Variants in TMEM247 observed in about 807,000 individuals in gnomAD.
TMEM247 encodes the protein transmembrane protein ENSP00000343375.
TMEM247 carries 23 observed loss-of-function variants against 20.7 expected under a neutral mutation model. The ratio of observed to expected loss-of-function variants is 1.11; its 90% CI spans 0.80 to 1.57. TMEM247 has a LOEUF of 1.57. Among genes scored for constraint, TMEM247 ranks in the 40% most tolerant of loss-of-function variants. TMEM247 has a pLI of 0.00. For missense variants in TMEM247, 354 were observed against 283.8 expected, an observed-to-expected ratio of 1.25 and a Z score of -1.78; for synonymous variants, 106 against 111.9, an observed-to-expected ratio of 0.95 and a Z score of 0.33.
rs1686949087 is a variant in TMEM247, at chr2:46,484,377, T to TC, written c.612dup (p.Cys205LeufsTer11). On this transcript the variant is annotated frameshift_variant, in exon 3 of 3. Coordinates refer to ENST00000434431, the Ensembl canonical transcript of TMEM247. LOFTEE classifies it high-confidence loss of function. Reference sequence around the variant, plus strand: ...TTTCTCTTCGCCAAGCACTACCTATTCTGCATTGCAGCCATTTTGCTCTGT... The same window carrying TC: ...TTTCTCTTCGCCAAGCACTACCTATTCCTGCATTGCAGCCATTTTGCTCTGT... The TC allele has an allele frequency of 3.9e-6, 6 of 1,552,346 alleles. No homozygotes were observed. The highest frequency in any genetic ancestry group is 5.2e-6 in the Non-Finnish European group (6 of 1,147,120).
chr2:46,480,680 C>G, exon 2 of TMEM247: 2 of 1,550,524 alleles, frequency 1.3e-6, no homozygotes, highest in Non-Finnish European at 1.7e-6. Flanking sequence ...AGCGGCAGCA[C>G]GAGGTGGTGA....
chr2:46,482,244 G>A lies in TMEM247; in HGVS notation c.477+1480G>A, dbSNP rs978328436. 3.3e-5 allele frequency among the ~76,000 whole-genome samples: 5 copies of A among 152,174 alleles called. No individual in the cohort carries two copies. In the East Asian group the frequency reaches 9.6e-4, roughly 29 times the overall value. On this transcript the variant is annotated intron_variant, in intron 2 of 2. Coordinates refer to ENST00000434431, the Ensembl canonical transcript of TMEM247. ...ACTTGGATTTCCAGAATCTTCCCCT[G>A]CCCCCACACCCTTTTTGAAAAGTCT...
At chr2:46,484,011 A>C (rs1430282337) in intron 2 of TMEM247, among the ~76,000 whole-genome samples, 1 of 152,082 alleles carries the variant, frequency 6.6e-6, no homozygotes, top group Non-Finnish European at 1.5e-5. Flanking sequence ...GGCTGGTCTC[A>C]AACTCCTGGC....
exon 2 of TMEM247, chr2:46,480,654 G>C: frequency 6.4e-7 from 1 of 1,551,796 alleles, no homozygotes; most frequent in South Asian, 1.2e-5. Context: ...GTACCTGCAT[G>C]AGAAGAACCA....
At chr2:46,481,561 C>T (rs1380189608) in intron 2 of TMEM247, among the ~76,000 whole-genome samples, 1 of 152,224 alleles carries the variant, frequency 6.6e-6, no homozygotes, top group Admixed American at 6.5e-5. Context: ...CTTTGGCTTG[C>T]TCATCCATGA....
rs750901510 is a variant in TMEM247 at position 46,480,749 on chromosome 2, G to GGTGGTGATGGAGCAGCTGCAGCGGGA, written c.463_464insTGGTGATGGAGCAGCTGCAGCGGGAG (p.Ala155ValfsTer68). 4 of 1,533,746 alleles carry GGTGGTGATGGAGCAGCTGCAGCGGGA rather than the reference G, an allele frequency of 2.6e-6. No individual in the cohort carries two copies. The highest frequency in any genetic ancestry group is 1.4e-5 in the African/African-American group (1 of 72,814). The stretch of plus-strand genomic sequence containing the variant: ...TGGTGATGGAGCAGCTGCAGCAAGA[G>GGTGGTGATGGAGCAGCTGCAGCGGGA]GCGGCGCCCCGCCTGGTGGGTGACA... On this transcript the variant is annotated frameshift_variant, in exon 2 of 3. Transcript: ENST00000434431. LOFTEE classifies it high-confidence loss of function.
intron 2 of TMEM247, among the ~76,000 whole-genome samples, chr2:46,483,970 T>A (rs1231208080): frequency 1.3e-5 from 2 of 152,118 alleles, no homozygotes; most frequent in African/African-American, 2.4e-5. Flanking sequence ...AATTTTTTTT[T>A]ATAGAGATAG....
chr2:46,481,828 C>T (rs1170869856), intron 2 of TMEM247, among the ~76,000 whole-genome samples: 1 of 152,180 alleles, frequency 6.6e-6, no homozygotes, highest in Non-Finnish European at 1.5e-5. Flanking sequence ...ATGCCTTCTG[C>T]CTTTATCCAA....
intron 2 of TMEM247, among the ~76,000 whole-genome samples, chr2:46,481,506 G>A (rs1284949406): frequency 3.9e-5 from 6 of 152,192 alleles, no homozygotes; most frequent in Non-Finnish European, 1.5e-5. Flanking sequence ...TAAAATGCCA[G>A]TTATAAACTC....
intron 2 of TMEM247, among the ~76,000 whole-genome samples, chr2:46,481,012 G>C (rs536233244): frequency 6.6e-6 from 1 of 152,298 alleles, no homozygotes; most frequent in South Asian, 2.1e-4. Flanking sequence ...GTTAAACAGA[G>C]CTTCCACGGG....
intron 2 of TMEM247, among the ~76,000 whole-genome samples, chr2:46,483,570 A>T (rs1686929618): frequency 6.6e-6 from 1 of 152,224 alleles, no homozygotes; most frequent in African/African-American, 2.4e-5. Context: ...AAGACCCAAC[A>T]TCCACATGTG....
intron 1 of TMEM247, among the ~76,000 whole-genome samples, chr2:46,480,158 A>G (rs763219824): frequency 1.3e-5 from 2 of 151,900 alleles, no homozygotes; most frequent in Non-Finnish European, 2.9e-5. Context: ...ACATCAATCT[A>G]CTCAACTCCC....
rs1009942383 is a variant in TMEM247, at chr2:46,480,420, A to G, written c.133A>G (p.Lys45Glu). ...CCTACGCCAGGAGGCAGAGTCCCAGAAGCCAGACTCCTCCTATGACTACTT... is the reference window on the plus strand; with the variant it reads ...CCTACGCCAGGAGGCAGAGTCCCAGGAGCCAGACTCCTCCTATGACTACTT... The change falls in exon 2 of 3, where the codon AAG (lysine) becomes GAG (glutamate). Residue 45 changes from lysine to glutamate, a missense_variant. Lys to Glu is a moderately conservative substitution (Grantham distance 56). Coordinates refer to ENST00000434431, the Ensembl canonical transcript of TMEM247. The G allele has an allele frequency of 8.4e-6, 13 of 1,546,796 alleles. No individual in the cohort carries two copies. The Admixed American group carries it at 2.2e-4, about 26-fold the overall frequency.
Position 46,479,759 on chromosome 2 carries a change from T to C in TMEM247, c.117+57T>C, listed in dbSNP as rs1222624055. ...CCTATTCCGTCAGGGGGAGCAAGAA[T>C]ACTGTAGGAACACATGCTTTGAGCT... On this transcript the variant is annotated intron_variant, in intron 1 of 2. Coordinates refer to ENST00000434431, the Ensembl canonical transcript of TMEM247. 8.0e-6 allele frequency: 10 copies of C among 1,255,668 alleles called. No homozygotes were observed. The African/African-American group carries it at 1.5e-4, about 19-fold the overall frequency. The allele number at this position is 1,255,668 out of a possible 1,614,324, so 77.8% of individuals were successfully genotyped here.
exon 1 of TMEM247, chr2:46,479,628 G>A: frequency 6.4e-7 from 1 of 1,551,754 alleles, no homozygotes; most frequent in Non-Finnish European, 8.7e-7. Flanking sequence ...CCGGGGTGCG[G>A]GAGAAAGTTG....
At chr2:46,480,279 C>T in intron 1 of TMEM247, 126 bp from the exon 2 acceptor site, 1 of 1,121,840 alleles carries the variant, frequency 8.9e-7, no homozygotes, top group African/African-American at 1.6e-5. Context: ...AAGAATTCAG[C>T]CTAGATCTTT....
At chr2:46,483,113 G>A (rs1445674949) in intron 2 of TMEM247, among the ~76,000 whole-genome samples, 1 of 152,034 alleles carries the variant, frequency 6.6e-6, no homozygotes, top group Non-Finnish European at 1.5e-5. Flanking sequence ...CTGCCACCTG[G>A]TGCTTTCCAA....
chr2:46,479,565 G>C, exon 1 of TMEM247: 1 of 1,541,612 alleles, frequency 6.5e-7, no homozygotes, highest in East Asian at 2.4e-5. Context: ...GACCCCACCT[G>C]GCAGCGTTCT....
intron 2 of TMEM247, among the ~76,000 whole-genome samples, chr2:46,481,574 T>C (rs919586837): frequency 6.6e-6 from 1 of 152,186 alleles, no homozygotes; most frequent in Non-Finnish European, 1.5e-5. Flanking sequence ...ATCCATGAAG[T>C]AGTACCTACC....
Sources: gnomAD v4.1 joint callset for allele counts (sites outside exome capture counted in the v4.1 genomes callset) on GRCh38, gnomAD v4.1.1 for gene constraint, MANE v1.5 for transcripts, NCBI Gene and HGNC (gene_info 2026-07-23, HGNC 2026-07-21) for gene names.